Variants in ZC3H18 observed in about 807,000 individuals in gnomAD.
ZC3H18 encodes the protein zinc finger CCCH-type containing 18.
ZC3H18 carries 8 observed loss-of-function variants against 106.1 expected under a neutral mutation model. The observed-to-expected ratio is 0.08, with a 90% CI of 0.04 to 0.14. The LOEUF is 0.14. Among genes scored for constraint, ZC3H18 ranks in the 10% least tolerant of loss-of-function variants. The pLI is 1.00. For synonymous variants in ZC3H18, 635 were observed against 522.1 expected, an observed-to-expected ratio of 1.22 and a Z score of -2.95; for missense variants, 1,318 against 1,278.4, an observed-to-expected ratio of 1.03 and a Z score of -0.47.
intron 2 of ZC3H18, among the ~76,000 whole-genome samples, chr16:88,578,207 C>A (rs1300006500): frequency 1.3e-5 from 2 of 152,202 alleles, no homozygotes; most frequent in Non-Finnish European, 2.9e-5. Flanking sequence ...GGTCCTAGAG[C>A]CTGACCTCTG....
chr16:88,631,790 C>CCTG lies in ZC3H18; in HGVS notation c.*491_*492insCTG. On this transcript the variant is annotated 3_prime_UTR_variant, in exon 18 of 18. Coordinates refer to ENST00000301011, the MANE Select transcript of ZC3H18 (RefSeq NM_144604.4). The stretch of plus-strand genomic sequence containing the variant: ...ATATATCTATATTCTCGACTAAAGT[C>CCTG]TCATCAGGAAATATTTCCTGTCTTT... The CCTG allele has an allele frequency of 3.2e-6, 1 of 310,676 alleles. No homozygotes were observed. The allele number at this position is 310,676 out of a possible 1,614,324, so 19.2% of individuals were successfully genotyped here. A position where few individuals can be genotyped will look rare whatever the true frequency, so the allele number is the denominator to read the frequency against.
In ZC3H18 at chr16:88,630,512, G is replaced by T; in HGVS notation, c.2594G>T (p.Arg865Ile). Residue 865 changes from arginine to isoleucine, a missense_variant, in exon 17 of 18, where the codon AGA becomes ATA. By Grantham distance (97) the Arg-to-Ile change is moderately conservative (BLOSUM62 -3). This residue lies in a region of ZC3H18 where 848 missense variants were observed against 821.7 expected (regional missense o/e 1.03). Coordinates refer to ENST00000301011, the MANE Select transcript of ZC3H18 (RefSeq NM_144604.4). ...RGSRDRKSGG[R>I]LGSPKPERQR... Reference sequence around the variant, plus strand: ...TCTCGGGACCGGAAGTCAGGTGGGAGACTGGGCTCCCCGAAGCCAGAGCGG... The same window carrying T: ...TCTCGGGACCGGAAGTCAGGTGGGATACTGGGCTCCCCGAAGCCAGAGCGG... 1 of 1,613,486 alleles carries T rather than the reference G, an allele frequency of 6.2e-7. No homozygotes were observed. Among genetic ancestry groups the T allele is most frequent in the East Asian group, 2.2e-5 (1 of 44,874 alleles).
chr16:88,575,393 G>T (rs999181050), intron 1 of ZC3H18, among the ~76,000 whole-genome samples: 3 of 152,020 alleles, frequency 2.0e-5, no homozygotes, highest in African/African-American at 7.2e-5. Context: ...ATGCCGAGCA[G>T]TGTGACCGTG....
intron 3 of ZC3H18, chr16:88,587,718 G>A (rs1915518212): frequency 8.7e-7 from 1 of 1,155,692 alleles, no homozygotes; most frequent in Non-Finnish European, 1.2e-6. Flanking sequence ...GAAGCCAGAA[G>A]GAAAGGGGGT....
intron 8 of ZC3H18, among the ~76,000 whole-genome samples, chr16:88,613,971 C>T (rs905855135): frequency 3.3e-5 from 5 of 152,140 alleles, no homozygotes; most frequent in African/African-American, 9.7e-5. Flanking sequence ...AACGTTGCTC[C>T]GTCTCAGGGT....
chr16:88,623,657 G>A lies in ZC3H18; in HGVS notation c.1794-301G>A, dbSNP rs1906110320. On this transcript the variant is annotated intron_variant, in intron 10 of 17. Transcript: ENST00000301011. ...AGCCCTGTCCTGTGGGTGTTTCTAT[G>A]GGAGCTGTGCTGCTGCCCCACTGCC... is the stretch of plus-strand genomic sequence containing the variant. 3.8e-5 allele frequency: 21 copies of A among 556,488 alleles called. 1 individual carries two copies. The South Asian group carries it at 4.9e-4, about 13-fold the overall frequency. The allele number at this position is 556,488 out of a possible 1,614,324, so 34.5% of individuals were successfully genotyped here.
intron 3 of ZC3H18, chr16:88,587,725 G>A (rs1021541342): frequency 1.9e-6 from 2 of 1,053,762 alleles, no homozygotes; most frequent in Admixed American, 2.2e-5. Flanking sequence ...GAAGGAAAGG[G>A]GGTCTTTGAG....
At chr16:88,602,870 A>G (rs1205795141) in intron 6 of ZC3H18, among the ~76,000 whole-genome samples, 1 of 152,232 alleles carries the variant, frequency 6.6e-6, no homozygotes, top group Non-Finnish European at 1.5e-5. Context: ...TGCTTACTAC[A>G]GGATGGAGCT....
chr16:88,622,085 A>G, intron 8 of ZC3H18, 112 bp from the exon 9 acceptor site: 1 of 1,275,810 alleles, frequency 7.8e-7, no homozygotes, highest in Non-Finnish European at 1.1e-6. Context: ...TTCTCAGGTG[A>G]TCCTTAAATA....
chr16:88,613,889 G>A (rs1332466213), intron 8 of ZC3H18, among the ~76,000 whole-genome samples: 2 of 152,132 alleles, frequency 1.3e-5, no homozygotes, highest in Non-Finnish European at 2.9e-5. Context: ...CTTACACATA[G>A]GTCTTTGATC....
In ZC3H18 at chr16:88,624,358, C is replaced by G. The variant is rs143850969; in HGVS notation, c.1899-244C>G. On this transcript the variant is annotated intron_variant, in intron 11 of 17. Coordinates refer to ENST00000301011, the MANE Select transcript of ZC3H18 (RefSeq NM_144604.4). The stretch of plus-strand genomic sequence containing the variant: ...TCCTATTAGCCTGCTCTCCCCACTG[C>G]CTGGCGGTGCCTGTAGCTCTTGCCT... The G allele has an allele frequency of 8.0e-4, 538 of 675,252 alleles. 1 individual carries two copies. In the African/African-American group the frequency reaches 8.9e-3, roughly 11 times the overall value. The allele number at this position is 675,252 out of a possible 1,614,324, so 41.8% of individuals were successfully genotyped here.
intron 16 of ZC3H18, among the ~76,000 whole-genome samples, chr16:88,629,459 A>G (rs1906524046): frequency 6.6e-6 from 1 of 152,252 alleles, no homozygotes; most frequent in African/African-American, 2.4e-5. Context: ...TTGGGCAACA[A>G]GAGCAACTGT....
rs201744967 is a variant in ZC3H18, at chr16:88,594,303, GAT to G, written c.689-3872_689-3871del. On this transcript the variant is annotated intron_variant, in intron 3 of 17. Transcript: ENST00000301011. ...ATATCTTGTTATTGTTAAATAATGA[GAT>G]ATCTTTAAGTGTCTCTTAATTTCTA... Among the ~76,000 whole-genome samples the G allele has an allele frequency of 9.3e-3, 1,410 of 152,280 alleles. 22 individuals carry two copies. Among genetic ancestry groups the G allele is most frequent in the African/African-American group, 0.032 (1,329 of 41,542 alleles).
At chr16:88,602,782 G>A (rs562538609) in intron 6 of ZC3H18, among the ~76,000 whole-genome samples, 1 of 152,234 alleles carries the variant, frequency 6.6e-6, no homozygotes, top group East Asian at 1.9e-4. Flanking sequence ...TAAGTTGCTG[G>A]GAATATAGAC....
At chr16:88,578,219 A>T (rs1388792674) in intron 2 of ZC3H18, among the ~76,000 whole-genome samples, 1 of 152,182 alleles carries the variant, frequency 6.6e-6, no homozygotes, top group Non-Finnish European at 1.5e-5. Context: ...TGACCTCTGG[A>T]GAGGGCACCA....
At chr16:88,629,822 C>T (rs1447302909) in intron 16 of ZC3H18, among the ~76,000 whole-genome samples, 1 of 152,238 alleles carries the variant, frequency 6.6e-6, no homozygotes, top group Non-Finnish European at 1.5e-5. Context: ...GGGGCCTGGC[C>T]ACCCGCACAG....
At chr16:88,624,246 C>G in intron 11 of ZC3H18, 184 bp downstream of exon 11, 1 of 803,516 alleles carries the variant, frequency 1.2e-6, no homozygotes, top group South Asian at 1.8e-5. Context: ...CACGGGCCAC[C>G]CTTACACAGC....
At chr16:88,573,142 G>A (rs1172804809) in intron 1 of ZC3H18, among the ~76,000 whole-genome samples, 1 of 151,990 alleles carries the variant, frequency 6.6e-6, no homozygotes, top group African/African-American at 2.4e-5. Flanking sequence ...TTGTTTCCAA[G>A]GTTGACATTA....
chr16:88,614,447 A>T (rs4782380), intron 8 of ZC3H18, among the ~76,000 whole-genome samples: 59,590 of 152,124 alleles, frequency 0.39, 12,251 homozygotes, highest in East Asian at 0.44. Context: ...GTCAGCTCTC[A>T]GGCAGGACTT....
Sources: allele counts gnomAD v4.1 joint callset (sites outside exome capture counted in the v4.1 genomes callset), GRCh38; gene constraint gnomAD v4.1.1; regional missense constraint gnomAD v4.1.1; transcripts MANE v1.5; gene names NCBI Gene and HGNC (gene_info 2026-07-23, HGNC 2026-07-21).